CPHXL2: variants seen among roughly 807,000 people sequenced by gnomAD.
CPHXL2 encodes the protein cytoplasmic polyadenylated homeobox like 2, also known as cytoplasmic polyadenylated homeobox-like protein 2.
the CPHXL2 span, among the ~76,000 whole-genome samples, chr16:75,668,139 AACAT>A: frequency 6.6e-6 from 1 of 152,084 alleles, no homozygotes; most frequent in Non-Finnish European, 1.5e-5. Context: ...TATTTTCACA[AACAT>A]ACATAGATAA....
At chr16:75,672,259 ACAGAGTGAGACTCCATCT>A in the CPHXL2 span, among the ~76,000 whole-genome samples, 1 of 151,706 alleles carries the variant, frequency 6.6e-6, no homozygotes, top group Non-Finnish European at 1.5e-5. Flanking sequence ...TGCCTGGGCT[ACAGAGTGAGACTCCATCT>A]CAAAAAAAAA....
the CPHXL2 span, among the ~76,000 whole-genome samples, chr16:75,662,849 A>C: frequency 7.6e-6 from 1 of 131,304 alleles, no homozygotes; most frequent in Admixed American, 9.5e-5. Flanking sequence ...TCCAGGCTGG[A>C]GTGCAGTGGC....
the CPHXL2 span, among the ~76,000 whole-genome samples, chr16:75,674,763 G>A: frequency 6.6e-6 from 1 of 152,004 alleles, no homozygotes; most frequent in South Asian, 2.1e-4. Flanking sequence ...AGGCTGGAGT[G>A]CAGTGGCACG....
chr16:75,667,178 A>G, the CPHXL2 span, among the ~76,000 whole-genome samples: 23,322 of 151,850 alleles, frequency 0.15, 3,494 homozygotes, highest in African/African-American at 0.39. Context: ...CAGGTGTGGT[A>G]GCGTGTGCCT....
the CPHXL2 span, among the ~76,000 whole-genome samples, chr16:75,667,002 A>G: frequency 2.6e-5 from 4 of 151,740 alleles, no homozygotes; most frequent in Non-Finnish European, 5.9e-5. Flanking sequence ...AGTGAAATCA[A>G]GATGGAAGTT....
the CPHXL2 span, among the ~76,000 whole-genome samples, chr16:75,661,924 C>T: frequency 7.9e-5 from 12 of 152,198 alleles, no homozygotes; most frequent in Admixed American, 2.0e-4. Context: ...GCAATCAGTT[C>T]TGCAGTGCAC....
At chr16:75,664,591 C>T in the CPHXL2 span, among the ~76,000 whole-genome samples, 13 of 144,188 alleles carry the variant, frequency 9.0e-5, no homozygotes, top group Admixed American at 9.4e-4. Context: ...TGCCATTGCA[C>T]TCCAGCCTGG....
At chr16:75,667,497 CT>C in the CPHXL2 span, among the ~76,000 whole-genome samples, 2 of 152,136 alleles carry the variant, frequency 1.3e-5, no homozygotes, top group African/African-American at 4.8e-5. Context: ...CAAGGGAAAT[CT>C]TTGCCATTCT....
the CPHXL2 span, among the ~76,000 whole-genome samples, chr16:75,674,457 A>G: frequency 7.2e-5 from 11 of 151,984 alleles, no homozygotes; most frequent in African/African-American, 2.7e-4. Context: ...ACCTAAATAA[A>G]TGGATAGTTT....
the CPHXL2 span, among the ~76,000 whole-genome samples, chr16:75,661,991 G>T: frequency 6.6e-6 from 1 of 152,212 alleles, no homozygotes; most frequent in Non-Finnish European, 1.5e-5. Flanking sequence ...AACACTGTCA[G>T]ATCCCACAGG....
chr16:75,660,335 G>T, the CPHXL2 span: 2 of 398,444 alleles, frequency 5.0e-6, no homozygotes, highest in Non-Finnish European at 8.8e-6. Context: ...TGCTGCATTT[G>T]AGTCCTGAGT....
At chr16:75,669,431 C>T in the CPHXL2 span, 5 of 400,564 alleles carry the variant, frequency 1.2e-5, no homozygotes, top group African/African-American at 4.1e-5. Context: ...TCAGGATAAC[C>T]GTTCTCTCCA....
At chr16:75,675,228 G>A in the CPHXL2 span, among the ~76,000 whole-genome samples, 2 of 150,638 alleles carry the variant, frequency 1.3e-5, no homozygotes, top group Non-Finnish European at 3.0e-5. Context: ...CACCATATTG[G>A]TCAGGCTGGT....
chr16:75,670,508 TTTA>T, the CPHXL2 span, among the ~76,000 whole-genome samples: 2 of 152,222 alleles, frequency 1.3e-5, no homozygotes, highest in Non-Finnish European at 2.9e-5. Flanking sequence ...CAGTTAAAAG[TTTA>T]TTGATTTGTT....
the CPHXL2 span, among the ~76,000 whole-genome samples, chr16:75,662,088 G>C: frequency 6.6e-6 from 1 of 152,194 alleles, no homozygotes; most frequent in African/African-American, 2.4e-5. Flanking sequence ...ACTGGCTTTG[G>C]GTTGGGGCTC....
At chr16:75,661,651 A>G in the CPHXL2 span, among the ~76,000 whole-genome samples, 1 of 151,990 alleles carries the variant, frequency 6.6e-6, no homozygotes, top group Non-Finnish European at 1.5e-5. Flanking sequence ...CAACCCTGCT[A>G]CTTTACTCAT....
the CPHXL2 span, among the ~76,000 whole-genome samples, chr16:75,672,201 A>G: frequency 2.6e-5 from 4 of 151,190 alleles, no homozygotes; most frequent in East Asian, 3.9e-4. Flanking sequence ...ATCGCTTGAA[A>G]CTGGGAGGCG....
At chr16:75,660,561 G>A in the CPHXL2 span, 54 of 398,592 alleles carry the variant, frequency 1.4e-4, no homozygotes, top group East Asian at 9.3e-4. Context: ...CATCCCCTCT[G>A]AGTAATTCTG....
At chr16:75,671,361 C>CAAAAAA in the CPHXL2 span, among the ~76,000 whole-genome samples, 5 of 126,380 alleles carry the variant, frequency 4.0e-5, no homozygotes, top group African/African-American at 1.2e-4. Flanking sequence ...GACTCTGTAT[C>CAAAAAA]AAAAAAAAAA....
Sources: allele counts gnomAD v4.1 joint callset (sites outside exome capture counted in the v4.1 genomes callset), GRCh38; gene constraint gnomAD v4.1.1; transcripts MANE v1.5; gene names NCBI Gene and HGNC (gene_info 2026-07-23, HGNC 2026-07-21).